Variants in LINGO1 observed in about 807,000 individuals in gnomAD.
The protein encoded by LINGO1 is leucine rich repeat and Ig domain containing 1.
LINGO1 carries 11 observed loss-of-function variants against 37.3 expected under a neutral mutation model. The observed-to-expected ratio is 0.29, with a 90% CI of 0.19 to 0.49. LINGO1 has a LOEUF of 0.49. Among genes scored for constraint, LINGO1 ranks in the 20% least tolerant of loss-of-function variants. The pLI, the probability that LINGO1 is intolerant of heterozygous loss-of-function variation, is 0.99. For missense variants in LINGO1, 585 were observed against 878.2 expected, an observed-to-expected ratio of 0.67 and a Z score of 4.22; for synonymous variants, 387 against 403.0, an observed-to-expected ratio of 0.96 and a Z score of 0.48.
rs72451354 is a variant in LINGO1, at chr15:77,705,174, G to GACACACAC, written c.-194-14281_-194-14274dup. Among the ~76,000 whole-genome samples, 92 of 99,126 alleles carry GACACACAC rather than the reference G, an allele frequency of 9.3e-4. 4 individuals carry two copies. The highest frequency in any genetic ancestry group is 6.0e-3 in the South Asian group (17 of 2,826). 65.0% of individuals were successfully genotyped at this position (99,126 alleles called of 152,430 possible). ...GAAGATACCCCCCTCCCCCTGCCAT[G>GACACACAC]ACACACACACACACACACACACACA... On this transcript the variant is annotated intron_variant, in intron 2 of 3. Coordinates refer to the LINGO1 transcript ENST00000561686.
chr15:77,766,064 G>T (rs2076524755), intron 1 of LINGO1, among the ~76,000 whole-genome samples: 1 of 152,112 alleles, frequency 6.6e-6, no homozygotes, highest in Non-Finnish European at 1.5e-5. Context: ...AATTAACTGA[G>T]GGAATCTCTA....
chr15:77,736,426 G>T (rs1366416846), intron 1 of LINGO1, among the ~76,000 whole-genome samples: 1 of 152,188 alleles, frequency 6.6e-6, no homozygotes, highest in East Asian at 1.9e-4. Context: ...CCTATTAATA[G>T]ATCCCTAAGT....
chr15:77,717,816 G>C lies in LINGO1; in HGVS notation c.-195+17176C>G, dbSNP rs867213001. Reference sequence around the variant, plus strand: ...GACCCCATTGGATACCTACAGTCTGGCTCCACTATGGTGGGGAAAGGCCCA... The same window carrying C: ...GACCCCATTGGATACCTACAGTCTGCCTCCACTATGGTGGGGAAAGGCCCA... On this transcript the variant is annotated intron_variant, in intron 2 of 3. Transcript: ENST00000561686. Among the ~76,000 whole-genome samples, 12 of 150,912 alleles carry C rather than the reference G, an allele frequency of 8.0e-5. 1 individual carries two copies. In the South Asian group the frequency reaches 1.7e-3, roughly 22 times the overall value.
chr15:77,799,135 C>T (rs1408505960), intron 1 of LINGO1, among the ~76,000 whole-genome samples: 1 of 152,202 alleles, frequency 6.6e-6, no homozygotes, highest in Non-Finnish European at 1.5e-5. Context: ...CTTCCCCAGA[C>T]CTGAGCCCCT....
At chr15:77,704,602 C>T (rs1315683566) in intron 2 of LINGO1, among the ~76,000 whole-genome samples, 7 of 151,494 alleles carry the variant, frequency 4.6e-5, no homozygotes, top group Admixed American at 1.3e-4. Flanking sequence ...CACTGAACCC[C>T]GACCCTGGTC....
chr15:77,677,918 A>G (rs1319905150), intron 2 of LINGO1, among the ~76,000 whole-genome samples: 1 of 152,108 alleles, frequency 6.6e-6, no homozygotes, highest in Non-Finnish European at 1.5e-5. Context: ...AGGAGGGTGA[A>G]GCCCCTTAAC....
At chr15:77,736,532 G>A (rs1224988805) in intron 1 of LINGO1, among the ~76,000 whole-genome samples, 3 of 152,244 alleles carry the variant, frequency 2.0e-5, no homozygotes, top group Admixed American at 6.5e-5. Context: ...GGAGGCTGAA[G>A]GGGTAGGATC....
At chr15:77,733,551 C>A (rs56952924) in intron 2 of LINGO1, among the ~76,000 whole-genome samples, 2,105 of 152,064 alleles carry the variant, frequency 0.014, 64 homozygotes, top group African/African-American at 0.049. Flanking sequence ...GGGAGAGAGA[C>A]GGATAGACCC....
At chr15:77,634,742 C>A (rs2074360513), upstream of LINGO1, among the ~76,000 whole-genome samples, 1 of 152,102 alleles carries the variant, frequency 6.6e-6, no homozygotes, top group South Asian at 2.1e-4. Flanking sequence ...CTGCCTGGAC[C>A]CCTCCCCAGA....
At chr15:77,633,378 C>T (rs2074327294), upstream of LINGO1, among the ~76,000 whole-genome samples, 1 of 151,508 alleles carries the variant, frequency 6.6e-6, no homozygotes, top group Non-Finnish European at 1.5e-5. Flanking sequence ...ACGGACAGGG[C>T]TCCCTACACG....
intron 1 of LINGO1, among the ~76,000 whole-genome samples, chr15:77,804,611 GTCTA>G (rs1432275037): frequency 4.6e-5 from 7 of 152,192 alleles, no homozygotes; most frequent in Admixed American, 1.3e-4. Flanking sequence ...GTTCACGTGA[GTCTA>G]TCTGAGTGTG....
intron 1 of LINGO1, among the ~76,000 whole-genome samples, chr15:77,741,481 C>T (rs1311801424): frequency 6.6e-6 from 1 of 152,156 alleles, no homozygotes; most frequent in Admixed American, 6.5e-5. Context: ...CCAGGAAGGC[C>T]CCTGGCCACC....
At chr15:77,664,661 G>A (rs2075091368) in intron 3 of LINGO1, among the ~76,000 whole-genome samples, 1 of 152,198 alleles carries the variant, frequency 6.6e-6, no homozygotes, top group Non-Finnish European at 1.5e-5. Flanking sequence ...TTTCTTTGAT[G>A]CCTACTTCTA....
At chr15:77,730,248 G>A (rs1256657640) in intron 2 of LINGO1, among the ~76,000 whole-genome samples, 1 of 152,156 alleles carries the variant, frequency 6.6e-6, no homozygotes, top group African/African-American at 2.4e-5. Context: ...CATGCCAAGT[G>A]TCATTCCTAG....
chr15:77,710,322 T>C (rs1373935436), intron 2 of LINGO1, among the ~76,000 whole-genome samples: 1 of 152,228 alleles, frequency 6.6e-6, no homozygotes, highest in African/African-American at 2.4e-5. Flanking sequence ...TGCTGGTTAA[T>C]TGGCGCTGAG....
At chr15:77,682,495 C>T (rs1309207406) in intron 2 of LINGO1, among the ~76,000 whole-genome samples, 1 of 152,104 alleles carries the variant, frequency 6.6e-6, no homozygotes, top group Non-Finnish European at 1.5e-5. Context: ...CACCTGCATG[C>T]ATTTCGCTCC....
intron 1 of LINGO1, among the ~76,000 whole-genome samples, chr15:77,738,757 A>AGGG (rs1449287385): frequency 1.6e-5 from 2 of 127,706 alleles, no homozygotes; most frequent in Non-Finnish European, 3.4e-5. Flanking sequence ...TGAAGGAAGG[A>AGGG]AGGAAGGAAG....
At chr15:77,695,777 A>C (rs1183368171) in intron 1 of LINGO1, among the ~76,000 whole-genome samples, 1 of 152,202 alleles carries the variant, frequency 6.6e-6, no homozygotes, top group Non-Finnish European at 1.5e-5. Flanking sequence ...TGGGCCAGCC[A>C]GGTGTTCCCG....
At chr15:77,790,267 T>G (rs2076808334), upstream of LINGO1, among the ~76,000 whole-genome samples, 2 of 152,220 alleles carry the variant, frequency 1.3e-5, no homozygotes, top group Admixed American at 6.5e-5. Context: ...AAACCCTAGT[T>G]TGTTCAACTT....
Sources: allele counts gnomAD v4.1 joint callset (sites outside exome capture counted in the v4.1 genomes callset), GRCh38; gene constraint gnomAD v4.1.1; transcripts MANE v1.5; gene names NCBI Gene and HGNC (gene_info 2026-07-23, HGNC 2026-07-21).